The following L3MBTL4 variants were observed in gnomAD, a reference collection of about 807,000 sequenced individuals.
L3MBTL4 encodes L3MBTL histone methyl-lysine binding protein 4.
Under a neutral mutation model 84.5 loss-of-function variants are expected in L3MBTL4, and 70 were observed. The ratio of observed to expected loss-of-function variants is 0.83; its 90% CI spans 0.68 to 1.01. The LOEUF (loss-of-function observed/expected upper bound fraction) is 1.01. Ranked by LOEUF, L3MBTL4 falls within the 50% of genes least tolerant of loss-of-function variation. The probability of loss-of-function intolerance (pLI) is 0.00; values close to 1 mark genes in which losing one functional copy is unlikely to be tolerated. For missense variants in L3MBTL4, 715 were observed against 754.8 expected (o/e 0.95, Z 0.62); for synonymous variants, 274 against 259.8 (o/e 1.05, Z -0.52).
chr18:6,029,594 C>G (rs1598481867), intron 16 of L3MBTL4: 2 of 985,196 alleles, frequency 2.0e-6, no homozygotes, highest in East Asian at 2.3e-4. Context: ...TAGGAATAAA[C>G]TTCGTAAGAA....
At chr18:6,126,253 C>A (rs2059691151) in intron 14 of L3MBTL4, among the ~76,000 whole-genome samples, 1 of 151,956 alleles carries the variant, frequency 6.6e-6, no homozygotes, top group Non-Finnish European at 1.5e-5. Context: ...CGGTATTGAC[C>A]ATAGACTAAT....
chr18:6,222,447 T>C (rs1468330352), intron 10 of L3MBTL4, among the ~76,000 whole-genome samples: 3 of 152,144 alleles, frequency 2.0e-5, no homozygotes, highest in Non-Finnish European at 2.9e-5. Flanking sequence ...AAACAACCTA[T>C]CTGTGTTGCA....
intron 16 of L3MBTL4, among the ~76,000 whole-genome samples, chr18:6,016,111 C>T (rs1024990752): frequency 6.6e-6 from 1 of 152,212 alleles, no homozygotes; most frequent in African/African-American, 2.4e-5. Context: ...AAGGGAAATA[C>T]TCCAGGTGGA....
intron 13 of L3MBTL4, among the ~76,000 whole-genome samples, chr18:6,164,658 T>C (rs962300470): frequency 2.0e-5 from 3 of 151,972 alleles, no homozygotes; most frequent in Non-Finnish European, 2.9e-5. Flanking sequence ...AGAAAGGACA[T>C]CCACACCAAA....
intron 16 of L3MBTL4, among the ~76,000 whole-genome samples, chr18:6,058,022 A>C (rs2057085230): frequency 6.6e-6 from 1 of 152,202 alleles, no homozygotes; most frequent in African/African-American, 2.4e-5. Context: ...GACTTAACTC[A>C]AGTATGCTGG....
At chr18:6,197,839 T>C (rs993707697) in intron 12 of L3MBTL4, among the ~76,000 whole-genome samples, 4 of 152,356 alleles carry the variant, frequency 2.6e-5, no homozygotes, top group African/African-American at 7.2e-5. Flanking sequence ...TTGCTATCAC[T>C]GCTGCCCTCG....
intron 14 of L3MBTL4, among the ~76,000 whole-genome samples, chr18:6,107,475 A>G (rs1010305396): frequency 6.6e-6 from 1 of 152,196 alleles, no homozygotes; most frequent in Non-Finnish European, 1.5e-5. Context: ...CCTGGACAGC[A>G]TGCAGGCGGT....
intron 3 of L3MBTL4, among the ~76,000 whole-genome samples, chr18:6,311,187 C>T (rs1006713005): frequency 6.6e-6 from 1 of 151,992 alleles, no homozygotes; most frequent in Non-Finnish European, 1.5e-5. Flanking sequence ...TGTACACAAA[C>T]ACAAAAATAT....
intron 16 of L3MBTL4, among the ~76,000 whole-genome samples, chr18:5,989,605 C>T (rs2053601252): frequency 6.6e-6 from 1 of 152,190 alleles, no homozygotes; most frequent in Non-Finnish European, 1.5e-5. Context: ...CAATTTGACC[C>T]TCTGTGGGCC....
intron 18 of L3MBTL4, among the ~76,000 whole-genome samples, chr18:5,958,426 A>C (rs938178044): frequency 6.6e-6 from 1 of 152,190 alleles, no homozygotes; most frequent in Non-Finnish European, 1.5e-5. Flanking sequence ...GACCTGGCTA[A>C]GCTCCAGCAT....
At chr18:6,208,482 C>A (rs1568316822) in intron 12 of L3MBTL4, among the ~76,000 whole-genome samples, 1 of 152,210 alleles carries the variant, frequency 6.6e-6, no homozygotes, top group Non-Finnish European at 1.5e-5. Context: ...TTCAGTAGAA[C>A]TTATTAAAGC....
At chr18:6,406,755 C>T (rs1251608650) in intron 1 of L3MBTL4, among the ~76,000 whole-genome samples, 1 of 152,002 alleles carries the variant, frequency 6.6e-6, no homozygotes, top group Non-Finnish European at 1.5e-5. Context: ...GATTGAGAAA[C>T]CCTGGATGAG....
chr18:6,176,276 T>G lies in L3MBTL4; in HGVS notation c.982-4334A>C, dbSNP rs2044221683. On this transcript the variant is annotated intron_variant, in intron 12 of 18. Coordinates refer to ENST00000317931, the MANE Select transcript of L3MBTL4 (RefSeq NM_001330559.2). The stretch of plus-strand genomic sequence containing the variant: ...ATTTTGTAAAAAAAATTAACAAAGT[T>G]GGAGAACTGATACTATCTGAATTTT... 2.0e-5 allele frequency among the ~76,000 whole-genome samples: 3 copies of G among 152,266 alleles called. No homozygotes were observed. The South Asian group carries it at 6.2e-4, about 32-fold the overall frequency.
chr18:6,324,212 C>A (rs2051589012), intron 1 of L3MBTL4, among the ~76,000 whole-genome samples: 1 of 152,352 alleles, frequency 6.6e-6, no homozygotes, highest in Non-Finnish European at 1.5e-5. Flanking sequence ...GACATTCAGG[C>A]AAAAGCCTGC....
intron 15 of L3MBTL4, among the ~76,000 whole-genome samples, chr18:6,092,768 A>G (rs1247090221): frequency 6.6e-6 from 1 of 152,258 alleles, no homozygotes; most frequent in Non-Finnish European, 1.5e-5. Flanking sequence ...ACAAGGCTGT[A>G]CTTGCAGCTC....
chr18:6,343,442 TC>T (rs2052710722), intron 1 of L3MBTL4, among the ~76,000 whole-genome samples: 1 of 152,014 alleles, frequency 6.6e-6, no homozygotes. Flanking sequence ...GGCGGGCAGA[TC>T]ACAAGATCAG....
intron 14 of L3MBTL4, among the ~76,000 whole-genome samples, chr18:6,125,469 C>T (rs1568162877): frequency 6.6e-6 from 1 of 152,078 alleles, no homozygotes; most frequent in Non-Finnish European, 1.5e-5. Context: ...CATTCTGTCA[C>T]CCAGGCTGGA....
At chr18:6,117,983 C>G (rs1568149654) in intron 14 of L3MBTL4, among the ~76,000 whole-genome samples, 1 of 152,084 alleles carries the variant, frequency 6.6e-6, no homozygotes, top group African/African-American at 2.4e-5. Context: ...CCTGAGAACA[C>G]AGCCAGGCTG....
At chr18:6,136,114 A>G (rs1306213107) in intron 14 of L3MBTL4, among the ~76,000 whole-genome samples, 2 of 152,210 alleles carry the variant, frequency 1.3e-5, no homozygotes, top group African/African-American at 4.8e-5. Context: ...ATTCACTATC[A>G]CAAGAATAGC....
Sources: gnomAD v4.1 joint callset for allele counts (sites outside exome capture counted in the v4.1 genomes callset) on GRCh38, gnomAD v4.1.1 for gene constraint, MANE v1.5 for transcripts, NCBI Gene and HGNC (gene_info 2026-07-23, HGNC 2026-07-21) for gene names.